The following TBC1D19 variants were observed in gnomAD, a reference collection of about 807,000 sequenced individuals.
The protein encoded by TBC1D19 is TBC1 domain family, member 19.
TBC1D19 carries 60 observed loss-of-function variants against 89.0 expected under a neutral mutation model. The ratio of observed to expected loss-of-function variants is 0.67; its 90% CI spans 0.55 to 0.84. TBC1D19 has a LOEUF of 0.84. TBC1D19 is among the 40% of genes least tolerant of loss of function. The pLI is 0.00. For missense variants in TBC1D19, 500 were observed against 610.8 expected, an observed-to-expected ratio of 0.82 and a Z score of 1.91; for synonymous variants, 189 against 199.7, an observed-to-expected ratio of 0.95 and a Z score of 0.45.
chr4:26,734,369 T>C (rs999200416), intron 15 of TBC1D19, among the ~76,000 whole-genome samples: 1 of 152,206 alleles, frequency 6.6e-6, no homozygotes, highest in African/African-American at 2.4e-5. Context: ...TTTTCAAAAA[T>C]GTAACTTAGC....
chr4:26,850,722 A>T, the TBC1D19 span, among the ~76,000 whole-genome samples: 1 of 151,962 alleles, frequency 6.6e-6, no homozygotes, highest in Non-Finnish European at 1.5e-5. Flanking sequence ...CTGGATTTGG[A>T]GTTGTAGCTG....
chr4:26,852,210 G>A, the TBC1D19 span, among the ~76,000 whole-genome samples: 108 of 152,296 alleles, frequency 7.1e-4, no homozygotes, highest in African/African-American at 2.3e-3. Flanking sequence ...TAAACATTTC[G>A]TTGTTATCCT....
At chr4:26,820,347 C>T in the TBC1D19 span, among the ~76,000 whole-genome samples, 2 of 152,320 alleles carry the variant, frequency 1.3e-5, no homozygotes, top group East Asian at 3.9e-4. Flanking sequence ...CTGCCCACCC[C>T]TATCCTCCAA....
chr4:26,624,900 A>G (rs1277899295), intron 4 of TBC1D19, among the ~76,000 whole-genome samples: 1 of 152,114 alleles, frequency 6.6e-6, no homozygotes, highest in Non-Finnish European at 1.5e-5. Context: ...TCGTCCACGC[A>G]CTGGGAAGGA....
At chr4:26,631,262 ATTCT>A (rs1297239452) in intron 4 of TBC1D19, among the ~76,000 whole-genome samples, 2 of 151,972 alleles carry the variant, frequency 1.3e-5, no homozygotes, top group African/African-American at 4.8e-5. Context: ...CTGTTTGCTC[ATTCT>A]TTCATGTTTT....
At chr4:26,824,687 T>C in the TBC1D19 span, among the ~76,000 whole-genome samples, 19,555 of 152,182 alleles carry the variant, frequency 0.13, 2,444 homozygotes, top group African/African-American at 0.33. Flanking sequence ...TTCTTTCTTT[T>C]TTTTTTGCTA....
At chr4:26,838,523 T>C in the TBC1D19 span, among the ~76,000 whole-genome samples, 2 of 152,210 alleles carry the variant, frequency 1.3e-5, no homozygotes, top group Non-Finnish European at 2.9e-5. Context: ...CTTACATACT[T>C]GACATCCACT....
At chr4:26,756,797 G>A (rs1310608482), downstream of TBC1D19, among the ~76,000 whole-genome samples, 1 of 152,186 alleles carries the variant, frequency 6.6e-6, no homozygotes, top group Admixed American at 6.5e-5. Context: ...TAACCTGATA[G>A]TTTAAGACTA....
chr4:26,772,713 G>A, the TBC1D19 span, among the ~76,000 whole-genome samples: 2 of 152,038 alleles, frequency 1.3e-5, no homozygotes, highest in Non-Finnish European at 2.9e-5. Flanking sequence ...TAGAACATGC[G>A]GTGTTTGGTT....
chr4:26,584,526 A>G (rs1392925333), intron 1 of TBC1D19, among the ~76,000 whole-genome samples: 1 of 152,224 alleles, frequency 6.6e-6, no homozygotes, highest in African/African-American at 2.4e-5. Flanking sequence ...AGGCGTGGTT[A>G]ATAGATTTTT....
At chr4:26,585,443 T>C (rs1204226434) in intron 1 of TBC1D19, among the ~76,000 whole-genome samples, 1 of 152,122 alleles carries the variant, frequency 6.6e-6, no homozygotes, top group Non-Finnish European at 1.5e-5. Flanking sequence ...TTATATCTTT[T>C]TTGGTGAGGT....
At chr4:26,650,812 A>G (rs950845817) in intron 7 of TBC1D19, among the ~76,000 whole-genome samples, 5 of 152,042 alleles carry the variant, frequency 3.3e-5, no homozygotes, top group South Asian at 2.1e-4. Flanking sequence ...GAATGGTATT[A>G]CCTAGGTTTT....
intron 20 of TBC1D19, 137 bp from the exon 21 acceptor site, chr4:26,754,736 A>G: frequency 6.6e-6 from 4 of 610,536 alleles, no homozygotes; most frequent in Non-Finnish European, 1.1e-5. Context: ...AAAGAGAAGG[A>G]AAGTTGTAGC....
At chr4:26,729,569 A>T (rs960815020) in intron 15 of TBC1D19, among the ~76,000 whole-genome samples, 18 of 152,314 alleles carry the variant, frequency 1.2e-4, no homozygotes, top group African/African-American at 4.1e-4. Context: ...GACCTTAGTA[A>T]GGTTTTGATG....
intron 18 of TBC1D19, among the ~76,000 whole-genome samples, chr4:26,744,833 T>G (rs572697133): frequency 2.0e-5 from 3 of 152,238 alleles, no homozygotes; most frequent in South Asian, 2.1e-4. Context: ...AAATTTGTAT[T>G]CTGCAAGTAT....
chr4:26,767,936 AGGAACCC>A, the TBC1D19 span, among the ~76,000 whole-genome samples: 4 of 152,148 alleles, frequency 2.6e-5, no homozygotes, highest in Admixed American at 1.3e-4. Flanking sequence ...CATAAAAAGG[AGGAACCC>A]AGGAGGAACC....
intron 11 of TBC1D19, among the ~76,000 whole-genome samples, chr4:26,676,383 A>T (rs1285181841): frequency 6.6e-6 from 1 of 152,226 alleles, no homozygotes; most frequent in African/African-American, 2.4e-5. Flanking sequence ...ACTTAATTGC[A>T]TCAGTACCTG....
chr4:26,656,290 T>C (rs1744798779), intron 7 of TBC1D19, among the ~76,000 whole-genome samples: 1 of 152,064 alleles, frequency 6.6e-6, no homozygotes, highest in Non-Finnish European at 1.5e-5. Flanking sequence ...TAACAATATA[T>C]TATGAACATT....
At chr4:26,643,623 T>C (rs964632510) in intron 7 of TBC1D19, among the ~76,000 whole-genome samples, 12 of 151,984 alleles carry the variant, frequency 7.9e-5, no homozygotes, top group Admixed American at 2.0e-4. Context: ...CTTCAAAAAA[T>C]CAGTGAATCC....
Sources: allele counts gnomAD v4.1 joint callset (sites outside exome capture counted in the v4.1 genomes callset), GRCh38; gene constraint gnomAD v4.1.1; transcripts MANE v1.5; gene names NCBI Gene and HGNC (gene_info 2026-07-23, HGNC 2026-07-21).